TMEM131: variants seen among roughly 807,000 people sequenced by gnomAD.
TMEM131 encodes the protein 2610524E03Rik.
Under a neutral mutation model 211.6 loss-of-function variants are expected in TMEM131, and 66 were observed. That is an observed-to-expected ratio of 0.31 (90% CI 0.26 to 0.38). The LOEUF is 0.38. TMEM131 is among the 10% of genes least tolerant of loss of function. The pLI is 1.00. For synonymous variants in TMEM131, 844 were observed against 841.3 expected (o/e 1.00, Z -0.06); for missense variants, 2,036 against 2,299.3 (o/e 0.89, Z 2.34).
At chr2:97,859,755 T>C (rs181978095) in intron 4 of TMEM131, among the ~76,000 whole-genome samples, 114 of 152,342 alleles carry the variant, frequency 7.5e-4, no homozygotes, top group African/African-American at 2.7e-3. Flanking sequence ...CCCGGCCTCC[T>C]ACCAATTGTG....
intron 25 of TMEM131, among the ~76,000 whole-genome samples, chr2:97,799,324 G>A (rs766129026): frequency 1.3e-5 from 2 of 151,992 alleles, no homozygotes; most frequent in African/African-American, 2.4e-5. Context: ...CCTGGAGCAT[G>A]TCTTTAATAT....
At chr2:97,818,493 C>A (rs1483739231) in intron 12 of TMEM131, 120 bp downstream of exon 12, 15 of 353,988 alleles carry the variant, frequency 4.2e-5, no homozygotes, top group Non-Finnish European at 7.3e-5. Context: ...TCAACCTAAG[C>A]AGTAATATAA....
chr2:97,918,820 T>A (rs1007892463), intron 2 of TMEM131, among the ~76,000 whole-genome samples: 6 of 148,244 alleles, frequency 4.0e-5, no homozygotes, highest in Non-Finnish European at 7.4e-5. Flanking sequence ...TACTGCTGCA[T>A]AATAAAGCAG....
chr2:97,934,264 C>A (rs959522909), intron 1 of TMEM131, among the ~76,000 whole-genome samples: 1 of 152,090 alleles, frequency 6.6e-6, no homozygotes, highest in African/African-American at 2.4e-5. Context: ...CCATTTACAA[C>A]GCCATTTACG....
At chr2:97,855,847 G>A (rs750861232) in intron 5 of TMEM131, among the ~76,000 whole-genome samples, 4 of 151,758 alleles carry the variant, frequency 2.6e-5, no homozygotes, top group Admixed American at 6.6e-5. Flanking sequence ...TTGCTACATC[G>A]CATTTTGTTA....
chr2:97,841,592 A>G (rs1296328579), intron 7 of TMEM131, among the ~76,000 whole-genome samples: 1 of 152,162 alleles, frequency 6.6e-6, no homozygotes, highest in Non-Finnish European at 1.5e-5. Context: ...TTTAAAAATG[A>G]TTCAAAAAAT....
intron 1 of TMEM131, among the ~76,000 whole-genome samples, chr2:97,966,199 T>TA (rs1679049703): frequency 6.6e-6 from 1 of 151,706 alleles, no homozygotes; most frequent in Non-Finnish European, 1.5e-5. Context: ...CCTCACAGGG[T>TA]AAATCGGCTG....
At chr2:97,867,536 G>A (rs796583416) in intron 4 of TMEM131, among the ~76,000 whole-genome samples, 6 of 152,292 alleles carry the variant, frequency 3.9e-5, no homozygotes, top group African/African-American at 1.4e-4. Context: ...TGGTCACTGG[G>A]GAAGGGGTGG....
chr2:97,936,697 G>A (rs1336899829), intron 1 of TMEM131, among the ~76,000 whole-genome samples: 1 of 152,124 alleles, frequency 6.6e-6, no homozygotes, highest in Non-Finnish European at 1.5e-5. Flanking sequence ...ACCTTAGGGA[G>A]GGGAAAATCT....
chr2:97,821,823 G>C (rs1682136809), intron 11 of TMEM131, among the ~76,000 whole-genome samples: 1 of 152,174 alleles, frequency 6.6e-6, no homozygotes, highest in Non-Finnish European at 1.5e-5. Context: ...GGCTTTCTGG[G>C]AAAGGGCTAA....
At chr2:97,947,242 G>A (rs190290453) in intron 1 of TMEM131, among the ~76,000 whole-genome samples, 6 of 151,072 alleles carry the variant, frequency 4.0e-5, no homozygotes, top group Admixed American at 2.6e-4. Flanking sequence ...CCAATAAAAC[G>A]CAAAGAAAAA....
chr2:97,760,326 T>TGAGA (rs1678758812), intron 38 of TMEM131: 1 of 495,172 alleles, frequency 2.0e-6, no homozygotes, highest in Non-Finnish European at 3.7e-6. Flanking sequence ...TGGAGGAGAG[T>TGAGA]GAGAACAGGT....
At chr2:97,803,296 CT>C (rs1194822067) in intron 22 of TMEM131, among the ~76,000 whole-genome samples, 1 of 152,132 alleles carries the variant, frequency 6.6e-6, no homozygotes, top group South Asian at 2.1e-4. Flanking sequence ...TGGCATATGG[CT>C]TTTTTCCCCC....
intron 1 of TMEM131, among the ~76,000 whole-genome samples, chr2:97,969,244 T>C (rs1413488618): frequency 1.3e-5 from 2 of 152,220 alleles, no homozygotes; most frequent in East Asian, 3.8e-4. Context: ...AGTTACCCTG[T>C]ACACAGTACA....
At chr2:97,889,194 A>G (rs1433112233) in intron 3 of TMEM131, among the ~76,000 whole-genome samples, 1 of 152,344 alleles carries the variant, frequency 6.6e-6, no homozygotes, top group East Asian at 1.9e-4. Context: ...AATTTAGAAC[A>G]TTCTTTTGTG....
At chr2:97,785,461 A>C (rs1380708052) in intron 31 of TMEM131, among the ~76,000 whole-genome samples, 1 of 152,216 alleles carries the variant, frequency 6.6e-6, no homozygotes, top group African/African-American at 2.4e-5. Context: ...GCAAATAAAA[A>C]CCACAAAGAG....
intron 5 of TMEM131, among the ~76,000 whole-genome samples, chr2:97,844,551 C>CGAT (rs1350210832): frequency 6.6e-6 from 1 of 152,146 alleles, no homozygotes; most frequent in Non-Finnish European, 1.5e-5. Flanking sequence ...GGCTGTTCCA[C>CGAT]GATGAGACAA....
intron 1 of TMEM131, among the ~76,000 whole-genome samples, chr2:97,985,196 CAT>C (rs1361245932): frequency 6.6e-5 from 10 of 152,042 alleles, no homozygotes; most frequent in African/African-American, 2.4e-4. Flanking sequence ...AACAGAAAAA[CAT>C]AAGGATGCCT....
chr2:97,797,553 A>G, intron 25 of TMEM131, 37 bp from the exon 26 acceptor site: 1 of 1,553,392 alleles, frequency 6.4e-7, no homozygotes, highest in Non-Finnish European at 8.7e-7. Flanking sequence ...AGTCATGAAT[A>G]TATTCTCTGG....
Sources: allele counts gnomAD v4.1 joint callset (sites outside exome capture counted in the v4.1 genomes callset), GRCh38; gene constraint gnomAD v4.1.1; transcripts MANE v1.5; gene names NCBI Gene and HGNC (gene_info 2026-07-23, HGNC 2026-07-21).